The following ANKDD1A variants were observed in gnomAD, a reference collection of about 807,000 sequenced individuals.
The protein encoded by ANKDD1A is ankyrin repeat and death domain-containing protein 1A.
ANKDD1A carries 59 observed loss-of-function variants against 63.5 expected under a neutral mutation model. The observed-to-expected ratio is 0.93, with a 90% CI of 0.75 to 1.15. The LOEUF is 1.15. ANKDD1A is among the 50% of genes most tolerant of loss of function. The pLI is 0.00. For synonymous variants in ANKDD1A, 266 were observed against 263.9 expected (o/e 1.01, Z -0.08); for missense variants, 632 against 656.4 (o/e 0.96, Z 0.41).
chr15:64,942,873 G>A (rs572514575), intron 10 of ANKDD1A, among the ~76,000 whole-genome samples: 4 of 152,064 alleles, frequency 2.6e-5, no homozygotes, highest in Admixed American at 2.6e-4. Flanking sequence ...TCCCAGGGCA[G>A]GGGTGACTGA....
Position 64,951,417 on chromosome 15 carries a change from TTCC to T in ANKDD1A, c.1483+1448_1483+1450del, listed in dbSNP as rs1251325033. 5.3e-3 allele frequency: 684 copies of T among 128,672 alleles called. 8 individuals are homozygous for T. The highest frequency in any genetic ancestry group is 0.026 in the African/African-American group (622 of 24,102). 8.0% of individuals were successfully genotyped at this position (128,672 alleles called of 1,614,324 possible). On this transcript the variant is annotated intron_variant, in intron 14 of 14. Transcript: ENST00000319580. ...TTCCTCTTTTTTCTTTTTTCTTTTC[TTCC>T]TCTTTTCTTCTTTTTCTTTCTTCTT... is the stretch of plus-strand genomic sequence containing the variant.
At chr15:64,943,683 T>C (rs1370964155) in intron 11 of ANKDD1A, 101 bp downstream of exon 11, 19 of 1,096,488 alleles carry the variant, frequency 1.7e-5, no homozygotes, top group South Asian at 1.4e-4. Context: ...CTCAGGGTGT[T>C]CAAGGACTGT....
Position 64,942,496 on chromosome 15 carries a change from G to A in ANKDD1A, c.897G>A (p.Val299=). The change falls in exon 10 of 15, where the codon GTG becomes GTA. Residue 299 remains valine (V), a synonymous_variant. Coordinates refer to ENST00000319580, the MANE Select transcript of ANKDD1A (RefSeq NM_182703.6). ...HQGASPLHLA[V]RHNFPALVRL... ...GTGCCTCTCCTCTGCACCTCGCTGT[G>A]AGGCACAACTTCCCTGCCTTGGTCC... is the stretch of plus-strand genomic sequence containing the variant. The A allele has an allele frequency of 1.2e-6, 2 of 1,613,718 alleles. No homozygotes were observed. The highest frequency in any genetic ancestry group is 1.7e-6 in the Non-Finnish European group (2 of 1,179,860).
chr15:64,950,682 G>A, intron 14 of ANKDD1A: 1 of 979,006 alleles, frequency 1.0e-6, no homozygotes. Context: ...CTAGTATATT[G>A]CTGAGGGAAA....
At chr15:64,927,060 C>G (rs563021852) in intron 6 of ANKDD1A, 61 bp downstream of exon 6, 1,486 of 1,558,214 alleles carry the variant, frequency 9.5e-4, no homozygotes, top group Admixed American at 1.3e-3. Flanking sequence ...ACCTTCCAGG[C>G]TCTGGCTCCT....
chr15:64,951,755 T>TCC (rs2085286153), intron 14 of ANKDD1A, among the ~76,000 whole-genome samples: 1 of 127,724 alleles, frequency 7.8e-6, no homozygotes, highest in African/African-American at 2.8e-5. Context: ...CTCTTCTTCC[T>TCC]TCTTTCCTTT....
rs2085427030 is a variant in ANKDD1A, at chr15:64,957,362, G to GAATA, written c.*178_*181dup. On this transcript the variant is annotated 3_prime_UTR_variant, in exon 15 of 15. Transcript: ENST00000319580. ...TTCTGTGTTTTTATCTTATACACAT[G>GAATA]AATAAATGCTATGGCTTATCACAGT... The GAATA allele has an allele frequency of 4.9e-6, 1 of 204,444 alleles. No individual in the cohort carries two copies. Among genetic ancestry groups the GAATA allele is most frequent in the African/African-American group, 2.4e-5 (1 of 41,730 alleles). The allele number at this position is 204,444 out of a possible 1,614,324, so 12.7% of individuals were successfully genotyped here.
At chr15:64,956,272 G>A (rs1432859948) in intron 14 of ANKDD1A, among the ~76,000 whole-genome samples, 1 of 149,424 alleles carries the variant, frequency 6.7e-6, no homozygotes, top group African/African-American at 2.5e-5. Flanking sequence ...TAGCTTGGCC[G>A]GGCGCAGTGG....
At chr15:64,944,060 CAT>C (rs1471198047) in intron 11 of ANKDD1A, among the ~76,000 whole-genome samples, 1 of 152,192 alleles carries the variant, frequency 6.6e-6, no homozygotes, top group Non-Finnish European at 1.5e-5. Context: ...GGCACCTGCA[CAT>C]GTGACTCAGC....
chr15:64,951,519 TTTTC>T (rs1432619649), intron 14 of ANKDD1A: 4 of 139,180 alleles, frequency 2.9e-5, no homozygotes, highest in Non-Finnish European at 6.3e-5. Context: ...CTTCTTCCTG[TTTTC>T]TTCTTCCTCT....
At chr15:64,927,348 A>G (rs2085053347) in intron 6 of ANKDD1A, among the ~76,000 whole-genome samples, 1 of 152,056 alleles carries the variant, frequency 6.6e-6, no homozygotes, top group Non-Finnish European at 1.5e-5. Context: ...CAGGGCTGTG[A>G]TCTACTGGGG....
intron 14 of ANKDD1A, among the ~76,000 whole-genome samples, chr15:64,955,682 C>T (rs1207113038): frequency 6.6e-6 from 1 of 152,144 alleles, no homozygotes; most frequent in Non-Finnish European, 1.5e-5. Context: ...TAGGAGCCTA[C>T]ATTTTAGAAA....
In ANKDD1A at chr15:64,915,837, G is replaced by C. The variant is rs757746471; in HGVS notation, c.75G>C (p.Gln25His). ...GGCAGCTCCACGAGGCCGCCCGCCA[G>C]AACAATGTCGGCAGGATGCAGGAGC... The part of the protein sequence containing the change: ...LERQLHEAAR[Q>H]NNVGRMQELI... Residue 25 changes from glutamine to histidine, a missense_variant, in exon 2 of 15, where the codon CAG (glutamine) becomes CAC (histidine). By Grantham distance (24) the Gln-to-His change is conservative. Transcript: ENST00000319580. 1.4e-5 allele frequency: 23 copies of C among 1,613,966 alleles called. No individual in the cohort carries two copies. In the Admixed American group the frequency reaches 3.8e-4, roughly 27 times the overall value.
rs190482133 is a variant in ANKDD1A, at chr15:64,936,667, C to T, written c.867+2433C>T. On this transcript the variant is annotated intron_variant, in intron 9 of 14. Coordinates refer to ENST00000319580, the MANE Select transcript of ANKDD1A (RefSeq NM_182703.6). ...CAGCCTGGGCAGCATAGTGAGACCC[C>T]CGTATCTACAAAAAATTTAAAAATC... 2.8e-3 allele frequency among the ~76,000 whole-genome samples: 431 copies of T among 151,998 alleles called. 2 individuals carry two copies. Among genetic ancestry groups the T allele is most frequent in the African/African-American group, 1.0e-2 (414 of 41,456 alleles).
At chr15:64,954,095 CCCTCTTTTCTTCTT>C (rs1566918340) in intron 14 of ANKDD1A, among the ~76,000 whole-genome samples, 3 of 133,208 alleles carry the variant, frequency 2.3e-5, no homozygotes, top group Non-Finnish European at 3.2e-5. Context: ...TCTTTCTCCT[CCCTCTTTTCTTCTT>C]CCTTTCTTTT....
intron 13 of ANKDD1A, among the ~76,000 whole-genome samples, chr15:64,949,402 A>G (rs2085250925): frequency 6.6e-6 from 1 of 152,194 alleles, no homozygotes; most frequent in African/African-American, 2.4e-5. Flanking sequence ...GGCCAGCTCC[A>G]TCTCTGACTA....
chr15:64,947,563 CAT>C lies in ANKDD1A; in HGVS notation c.1322_1323del (p.His441ArgfsTer34). On this transcript the variant is annotated frameshift_variant, in exon 13 of 15. Coordinates refer to ENST00000319580, the MANE Select transcript of ANKDD1A (RefSeq NM_182703.6). LOFTEE classifies it high-confidence loss of function. ...ATATTCCTGGGAGTTCACGGAGGCA[CAT>C]GTCGACGCCATCGAGCAACAGTGGA... is the stretch of plus-strand genomic sequence containing the variant. ...LAYSWEFTEA[H>X]VDAIEQQWTG... 6.2e-7 allele frequency: 1 copy of C among 1,614,164 alleles called. No homozygotes were observed. Among genetic ancestry groups the C allele is most frequent in the Non-Finnish European group, 8.5e-7 (1 of 1,180,014 alleles).
At chr15:64,953,605 TTCTTC>T (rs1474192703) in intron 14 of ANKDD1A, among the ~76,000 whole-genome samples, 1 of 29,564 alleles carries the variant, frequency 3.4e-5, no homozygotes, top group African/African-American at 8.7e-5. Context: ...CTTTTCTTCT[TTCTTC>T]TCTCCTTCTT....
chr15:64,928,917 C>A (rs934769763), intron 6 of ANKDD1A, among the ~76,000 whole-genome samples: 6 of 152,220 alleles, frequency 3.9e-5, no homozygotes, highest in Non-Finnish European at 8.8e-5. Flanking sequence ...ATATTTATAA[C>A]CCAGAAGGAA....
Sources: gnomAD v4.1 joint callset for allele counts (sites outside exome capture counted in the v4.1 genomes callset) on GRCh38, gnomAD v4.1.1 for gene constraint, MANE v1.5 for transcripts, NCBI Gene and HGNC (gene_info 2026-07-23, HGNC 2026-07-21) for gene names.